Variants in MGAT4C observed in about 807,000 individuals in gnomAD.
MGAT4C encodes alpha-1,3-mannosyl-glycoprotein 4-beta-N-acetylglucosaminyltransferase C.
In MGAT4C, 19 loss-of-function variants were observed where a neutral mutation model predicts 40.1. The ratio of observed to expected loss-of-function variants is 0.47; its 90% CI spans 0.33 to 0.70. The LOEUF (loss-of-function observed/expected upper bound fraction) is 0.70. MGAT4C is among the 30% of genes least tolerant of loss of function. The probability of loss-of-function intolerance (pLI) is 0.02; values close to 1 mark genes in which losing one functional copy is unlikely to be tolerated. For missense variants in MGAT4C, 491 were observed against 563.2 expected (o/e 0.87, Z 1.30); for synonymous variants, 181 against 187.1 (o/e 0.97, Z 0.27).
intron 2 of MGAT4C, among the ~76,000 whole-genome samples, chr12:86,648,714 G>T (rs1171514158): frequency 4.6e-5 from 7 of 151,984 alleles, no homozygotes; most frequent in African/African-American, 1.4e-4. Flanking sequence ...AAGCCACCCA[G>T]TTTATGGTAT....
At chr12:86,703,794 A>G (rs974270440) in intron 2 of MGAT4C, among the ~76,000 whole-genome samples, 1 of 152,132 alleles carries the variant, frequency 6.6e-6, no homozygotes, top group Non-Finnish European at 1.5e-5. Context: ...CTTATTTCAC[A>G]TTTTTAATCA....
At chr12:86,800,964 ACCAT>A (rs1952214916) in intron 1 of MGAT4C, among the ~76,000 whole-genome samples, 1 of 151,856 alleles carries the variant, frequency 6.6e-6, no homozygotes, top group Non-Finnish European at 1.5e-5. Context: ...CTCATCACCT[ACCAT>A]CCTTCAGGTG....
rs76409261 is a variant in MGAT4C at position 86,488,668 on chromosome 12, C to T, written c.-228-53403G>A. Among the ~76,000 whole-genome samples the T allele has an allele frequency of 2.0e-5, 3 of 152,232 alleles. No homozygotes were observed. In the East Asian group the frequency reaches 5.8e-4, roughly 29 times the overall value. ...CCTCAATTCTAAAATCTATGAGGAA[C>T]CGTATTATTTCTCAGTTGGAGATTA... On this transcript the variant is annotated intron_variant, in intron 2 of 7. Coordinates refer to the MGAT4C transcript ENST00000548651.
chr12:86,809,201 A>C (rs1952422789), intron 1 of MGAT4C, among the ~76,000 whole-genome samples: 1 of 152,102 alleles, frequency 6.6e-6, no homozygotes, highest in South Asian at 2.1e-4. Context: ...ATTTAGCATA[A>C]TCCTTTCAAG....
chr12:86,360,960 T>A (rs887055808), intron 3 of MGAT4C, among the ~76,000 whole-genome samples: 2 of 152,202 alleles, frequency 1.3e-5, no homozygotes, highest in African/African-American at 2.4e-5. Flanking sequence ...TACTGATGAC[T>A]TTCTTCACAG....
intron 1 of MGAT4C, among the ~76,000 whole-genome samples, chr12:86,060,332 C>T (rs886201633): frequency 2.0e-5 from 3 of 152,100 alleles, no homozygotes; most frequent in Admixed American, 6.6e-5. Flanking sequence ...AAAGTTCAAG[C>T]AACTTTTACA....
At chr12:86,573,767 T>G (rs2136425027) in intron 2 of MGAT4C, among the ~76,000 whole-genome samples, 1 of 152,112 alleles carries the variant, frequency 6.6e-6, no homozygotes, top group Non-Finnish European at 1.5e-5. Context: ...TTGTTAGAAT[T>G]TATTATATAA....
chr12:86,097,904 C>A (rs1034132753), intron 1 of MGAT4C, among the ~76,000 whole-genome samples: 3 of 151,528 alleles, frequency 2.0e-5, no homozygotes, highest in African/African-American at 7.3e-5. Flanking sequence ...GCTTTTCAAC[C>A]AGCTAATGTC....
chr12:86,768,063 G>C (rs1951549319), intron 1 of MGAT4C, among the ~76,000 whole-genome samples: 2 of 152,144 alleles, frequency 1.3e-5, no homozygotes. Flanking sequence ...ATTAGGAAAA[G>C]AGGAAGTCAA....
intron 1 of MGAT4C, among the ~76,000 whole-genome samples, chr12:86,731,904 A>G (rs1056084974): frequency 6.6e-6 from 1 of 152,136 alleles, no homozygotes; most frequent in Non-Finnish European, 1.5e-5. Context: ...TTCCCCCTTC[A>G]TTCAGCACTA....
At chr12:86,399,157 A>G (rs1241226930) in intron 3 of MGAT4C, among the ~76,000 whole-genome samples, 1 of 151,326 alleles carries the variant, frequency 6.6e-6, no homozygotes, top group Non-Finnish European at 1.5e-5. Context: ...TTTTTAGTAG[A>G]GACAGGGTTT....
intron 2 of MGAT4C, among the ~76,000 whole-genome samples, chr12:86,442,893 A>G (rs1209929802): frequency 2.0e-5 from 3 of 152,170 alleles, no homozygotes; most frequent in Non-Finnish European, 2.9e-5. Flanking sequence ...AGCCATCAAC[A>G]TTGAGGTAAG....
In MGAT4C at chr12:86,764,252, C is replaced by G. The variant is rs545232384; in HGVS notation, c.-261-37011G>C. ...GGAGGGTCCTATGCCCACGGAGTCT[C>G]GCTGATTGCTAGCACAGCAGTCTGA... is the stretch of plus-strand genomic sequence containing the variant. On this transcript the variant is annotated intron_variant, in intron 1 of 7. Transcript: ENST00000548651. Among the ~76,000 whole-genome samples, 697 of 152,194 alleles carry G rather than the reference C, an allele frequency of 4.6e-3. 2 individuals are homozygous for G. The highest frequency in any genetic ancestry group is 0.016 in the African/African-American group (661 of 41,548).
At position 85,983,634 on chromosome 12, in the gene MGAT4C, G is replaced by A. The variant is rs774470064; in HGVS notation, c.184C>T (p.His62Tyr). The A allele has an allele frequency of 6.3e-7, 1 of 1,595,972 alleles. No homozygotes were observed. The highest frequency in any genetic ancestry group is 1.4e-5 in the African/African-American group (1 of 74,072). The change falls in exon 4 of 5, where the codon CAT becomes TAT. Residue 62 changes from histidine (H) to tyrosine (Y), a missense_variant. Transcript: ENST00000611864. ...ACATAGCGTTCTGAATTCAGTTGAT[G>A]TGTGGATGTTTCCCTTATAAGTTGT... ...DKQLIRETST[H>Y]QLNSERYVHT...
intron 1 of MGAT4C, among the ~76,000 whole-genome samples, chr12:86,819,620 C>G (rs1469575663): frequency 6.6e-6 from 1 of 150,692 alleles, no homozygotes; most frequent in Non-Finnish European, 1.5e-5. Flanking sequence ...ATGTTTAAAA[C>G]TTTTATTTTG....
At position 86,298,262 on chromosome 12, in the gene MGAT4C, TATTC is replaced by T. The variant is rs373746738; in HGVS notation, c.-57+35799_-57+35802del. Among the ~76,000 whole-genome samples, 73 of 152,262 alleles carry T rather than the reference TATTC, an allele frequency of 4.8e-4. No homozygotes were observed. In the East Asian group the frequency reaches 9.4e-3, roughly 20 times the overall value. On this transcript the variant is annotated intron_variant, in intron 4 of 7. Transcript: ENST00000548651. ...GTTAATAAACATAAAATATTTAACT[TATTC>T]ATGAAGAACAAAAATACAATAAAAA...
At chr12:86,544,909 G>C (rs1341104556) in intron 2 of MGAT4C, among the ~76,000 whole-genome samples, 1 of 151,992 alleles carries the variant, frequency 6.6e-6, no homozygotes, top group Non-Finnish European at 1.5e-5. Context: ...AACTGAGTCT[G>C]CTTTTATGTT....
At chr12:86,255,115 GATGAACAAGCCATT>G (rs1293027531) in intron 1 of MGAT4C, among the ~76,000 whole-genome samples, 1 of 152,034 alleles carries the variant, frequency 6.6e-6, no homozygotes, top group Non-Finnish European at 1.5e-5. Context: ...ATCAACACTT[GATGAACAAGCCATT>G]ATTCAAAAGT....
chr12:86,562,772 AC>A (rs1959931163), intron 2 of MGAT4C, among the ~76,000 whole-genome samples: 1 of 152,132 alleles, frequency 6.6e-6, no homozygotes, highest in Admixed American at 6.5e-5. Context: ...TCTGGAGAAC[AC>A]CCATAGGAAT....
Sources: gnomAD v4.1 joint callset for allele counts (sites outside exome capture counted in the v4.1 genomes callset) on GRCh38, gnomAD v4.1.1 for gene constraint, MANE v1.5 for transcripts, NCBI Gene and HGNC (gene_info 2026-07-23, HGNC 2026-07-21) for gene names.